Variants in CAMTA1 observed in about 807,000 individuals in gnomAD.
CAMTA1 encodes calmodulin-binding transcription activator 1.
Under a neutral mutation model 170.9 loss-of-function variants are expected in CAMTA1, and 27 were observed. The observed-to-expected ratio is 0.16, with a 90% CI of 0.12 to 0.22. The LOEUF (loss-of-function observed/expected upper bound fraction) is 0.22. Ranked by LOEUF, CAMTA1 falls within the 10% of genes least tolerant of loss-of-function variation. The probability of loss-of-function intolerance (pLI) is 1.00; values close to 1 mark genes in which losing one functional copy is unlikely to be tolerated. For synonymous variants in CAMTA1, 833 were observed against 891.5 expected, an observed-to-expected ratio of 0.93 and a Z score of 1.17; for missense variants, 1,619 against 2,217.2, an observed-to-expected ratio of 0.73 and a Z score of 5.42.
intron 3 of CAMTA1, among the ~76,000 whole-genome samples, chr1:6,854,890 C>T (rs1020656969): frequency 4.6e-5 from 7 of 152,104 alleles, no homozygotes; most frequent in Admixed American, 4.6e-4. Flanking sequence ...TCAGAAAAAT[C>T]CTATAGCAAA....
chr1:7,310,696 C>CTT (rs756201552), intron 5 of CAMTA1, among the ~76,000 whole-genome samples: 1 of 43,628 alleles, frequency 2.3e-5, no homozygotes, highest in African/African-American at 1.4e-4. Flanking sequence ...CTCTCTCTCT[C>CTT]TCTCTCTTTC....
chr1:6,986,376 G>T (rs749411046), intron 3 of CAMTA1, among the ~76,000 whole-genome samples: 2 of 152,224 alleles, frequency 1.3e-5, no homozygotes, highest in Non-Finnish European at 2.9e-5. Flanking sequence ...AGATGTGACA[G>T]AGGGAGTTTT....
chr1:7,193,763 G>T lies in CAMTA1; in HGVS notation c.303-55728G>T, dbSNP rs564454304. On this transcript the variant is annotated intron_variant, in intron 4 of 22. Coordinates refer to ENST00000303635, the MANE Select transcript of CAMTA1 (RefSeq NM_015215.4). ...GAGCACTTTGGATGTCTGGAATTCT[G>T]TAAGAACCCAATGGAAAGAAAATAT... Among the ~76,000 whole-genome samples the T allele has an allele frequency of 4.6e-5, 7 of 152,232 alleles. No homozygotes were observed. The South Asian group carries it at 1.5e-3, about 32-fold the overall frequency.
At chr1:6,800,697 G>T (rs1474253022) in intron 1 of CAMTA1, among the ~76,000 whole-genome samples, 1 of 152,164 alleles carries the variant, frequency 6.6e-6, no homozygotes. Flanking sequence ...AGTAAATGAA[G>T]ACTCTTCCTA....
chr1:7,646,143 G>A (rs1016860982), intron 7 of CAMTA1, among the ~76,000 whole-genome samples: 4 of 151,136 alleles, frequency 2.6e-5, no homozygotes, highest in African/African-American at 7.3e-5. Context: ...CGTTGAGGTG[G>A]ATGGAGGCCC....
At chr1:7,697,642 T>C (rs1238101697) in intron 11 of CAMTA1, among the ~76,000 whole-genome samples, 1 of 152,244 alleles carries the variant, frequency 6.6e-6, no homozygotes, top group Non-Finnish European at 1.5e-5. Context: ...TGGATGGGCC[T>C]GTGTCAGCCA....
chr1:6,833,270 A>G lies in CAMTA1; in HGVS notation c.234+8060A>G, dbSNP rs78092812. Among the ~76,000 whole-genome samples, 39 of 152,344 alleles carry G rather than the reference A, an allele frequency of 2.6e-4. 1 individual carries two copies. Among genetic ancestry groups the G allele is most frequent in the African/African-American group, 7.2e-4 (30 of 41,578 alleles). On this transcript the variant is annotated intron_variant, in intron 3 of 22. Transcript: ENST00000303635. The stretch of plus-strand genomic sequence containing the variant: ...CAATCTAAACTAGTTTTATTATACT[A>G]TTACTTCAGCATGTGGCACTTAACC...
intron 5 of CAMTA1, among the ~76,000 whole-genome samples, chr1:7,449,785 A>AAAAG (rs1553168524): frequency 1.5e-4 from 22 of 150,760 alleles, no homozygotes; most frequent in African/African-American, 3.9e-4. Flanking sequence ...AAAAAAAAAA[A>AAAAG]AAAGAAAGAA....
At chr1:7,509,941 G>T (rs992427529) in intron 6 of CAMTA1, among the ~76,000 whole-genome samples, 2 of 151,596 alleles carry the variant, frequency 1.3e-5, no homozygotes, top group African/African-American at 4.9e-5. Context: ...AGGGGGAAAA[G>T]CTACCCTGAC....
chr1:7,268,532 C>G (rs764073948), intron 5 of CAMTA1, among the ~76,000 whole-genome samples: 14 of 152,100 alleles, frequency 9.2e-5, no homozygotes, highest in Non-Finnish European at 1.8e-4. Flanking sequence ...TAATGAACAC[C>G]TGGGTATTCC....
intron 3 of CAMTA1, among the ~76,000 whole-genome samples, chr1:6,876,065 A>G (rs946711077): frequency 2.0e-5 from 3 of 152,228 alleles, no homozygotes; most frequent in Non-Finnish European, 4.4e-5. Flanking sequence ...ATCTTCCATG[A>G]GTGAGCACTT....
At chr1:6,888,509 G>A (rs1236916058) in intron 3 of CAMTA1, among the ~76,000 whole-genome samples, 1 of 152,188 alleles carries the variant, frequency 6.6e-6, no homozygotes, top group Non-Finnish European at 1.5e-5. Context: ...TCTAGTGAGA[G>A]TCTAGAAAGA....
Position 7,732,257 on chromosome 1 carries a change from G to A in CAMTA1, c.2915-191G>A, listed in dbSNP as rs1356486849. Among the ~76,000 whole-genome samples the A allele has an allele frequency of 6.6e-6, 1 of 152,138 alleles. No individual in the cohort carries two copies. Among genetic ancestry groups the A allele is most frequent in the Non-Finnish European group, 1.5e-5 (1 of 68,032 alleles). ...TATCCGAGAACTTCGGGCTGCTGAA[G>A]GTGCCACCATCCTGTGTGAGGTGGT... On this transcript the variant is annotated intron_variant, in intron 11 of 22. Transcript: ENST00000303635. This position sits in a 1 kb window ranked among gnomAD's most constrained non-coding sequence, Gnocchi z 4.1.
chr1:7,554,160 G>A lies in CAMTA1; in HGVS notation c.511-86240G>A, dbSNP rs375674254. Among the ~76,000 whole-genome samples the A allele has an allele frequency of 1.4e-4, 22 of 152,294 alleles. No individual in the cohort carries two copies. In the South Asian group the frequency reaches 4.6e-3, roughly 32 times the overall value. ...AAAGGAAGGCAGGAGTCATTCCCGG[G>A]TTCGTTTCATTACATGGAAGAAGAA... On this transcript the variant is annotated intron_variant, in intron 6 of 22. Coordinates refer to ENST00000303635, the MANE Select transcript of CAMTA1 (RefSeq NM_015215.4).
chr1:7,090,198 A>C (rs1375414892), intron 3 of CAMTA1, among the ~76,000 whole-genome samples: 1 of 151,604 alleles, frequency 6.6e-6, no homozygotes, highest in Non-Finnish European at 1.5e-5. Context: ...GGCATTTTCT[A>C]CTCTCACCTG....
At chr1:7,223,228 C>T (rs1173814562) in intron 4 of CAMTA1, among the ~76,000 whole-genome samples, 1 of 135,436 alleles carries the variant, frequency 7.4e-6, no homozygotes, top group East Asian at 2.4e-4. Context: ...ATGTTTCCTA[C>T]ATGTGTATGT....
intron 3 of CAMTA1, among the ~76,000 whole-genome samples, chr1:6,895,787 C>T (rs967310452): frequency 1.3e-5 from 2 of 152,204 alleles, no homozygotes; most frequent in East Asian, 1.9e-4. Context: ...GAGAGACCCT[C>T]CCCCGATAGC....
chr1:6,884,297 C>G (rs1411991974), intron 3 of CAMTA1, among the ~76,000 whole-genome samples: 1 of 85,896 alleles, frequency 1.2e-5, no homozygotes, highest in Non-Finnish European at 2.6e-5. Context: ...TAGAGACACA[C>G]ACACACACAC....
At chr1:7,278,149 A>C (rs1671013202) in intron 5 of CAMTA1, among the ~76,000 whole-genome samples, 1 of 152,200 alleles carries the variant, frequency 6.6e-6, no homozygotes, top group Non-Finnish European at 1.5e-5. Flanking sequence ...ATCCTTCAGA[A>C]AGGCTGTGTT....
Sources: gnomAD v4.1 joint callset for allele counts (sites outside exome capture counted in the v4.1 genomes callset) on GRCh38, gnomAD v4.1.1 for gene constraint, Gnocchi (gnomAD v3.1) non-coding constraint, MANE v1.5 for transcripts, NCBI Gene and HGNC (gene_info 2026-07-23, HGNC 2026-07-21) for gene names.